ZNRF3: variants seen among roughly 807,000 people sequenced by gnomAD.
ZNRF3 encodes the protein E3 ubiquitin-protein ligase ZNRF3.
In ZNRF3, 23 loss-of-function variants were observed where a neutral mutation model predicts 72.5. That is an observed-to-expected ratio of 0.32 (90% confidence interval 0.23 to 0.45). The LOEUF is 0.45. Ranked by LOEUF, ZNRF3 falls within the 20% of genes least tolerant of loss-of-function variation. ZNRF3 has a pLI of 1.00. For missense variants in ZNRF3, 1,169 were observed against 1,272.1 expected (o/e 0.92, Z 1.23); for synonymous variants, 610 against 545.3 (o/e 1.12, Z -1.65).
At chr22:28,901,456 A>G (rs1444614161) in intron 1 of ZNRF3, among the ~76,000 whole-genome samples, 1 of 152,146 alleles carries the variant, frequency 6.6e-6, no homozygotes, top group Non-Finnish European at 1.5e-5. Flanking sequence ...CCAGGGAACC[A>G]TGTTTGTTAG....
intron 1 of ZNRF3, among the ~76,000 whole-genome samples, chr22:28,904,051 A>G (rs1288397924): frequency 6.6e-6 from 1 of 152,124 alleles, no homozygotes; most frequent in Non-Finnish European, 1.5e-5. Context: ...ATCTGGCGTT[A>G]GAGAGTGAGC....
At chr22:28,998,174 C>T (rs1206964080) in intron 2 of ZNRF3, among the ~76,000 whole-genome samples, 3 of 151,846 alleles carry the variant, frequency 2.0e-5, no homozygotes, top group Non-Finnish European at 4.4e-5. Flanking sequence ...TGGCGGGCAC[C>T]TGTAATCCCA....
intron 1 of ZNRF3, among the ~76,000 whole-genome samples, chr22:28,968,171 C>G (rs1341260410): frequency 6.6e-6 from 1 of 152,172 alleles, no homozygotes; most frequent in Non-Finnish European, 1.5e-5. Context: ...CTACTGCATT[C>G]TGGGTGACTT....
At chr22:28,928,743 G>C (rs947159354) in intron 1 of ZNRF3, among the ~76,000 whole-genome samples, 1 of 151,960 alleles carries the variant, frequency 6.6e-6, no homozygotes, top group East Asian at 1.9e-4. Flanking sequence ...TGATCCGCCC[G>C]CCTCGGCCTC....
intron 1 of ZNRF3, among the ~76,000 whole-genome samples, chr22:28,945,541 T>C (rs925283106): frequency 3.2e-4 from 48 of 151,014 alleles, no homozygotes; most frequent in African/African-American, 1.2e-3. Context: ...TTTTTTTTTT[T>C]CTTTTTTAAG....
rs748364604 is a variant in ZNRF3 at position 29,050,260 on chromosome 22, C to T, written c.2079C>T (p.Ala693=). 20 of 1,598,234 alleles carry T rather than the reference C, an allele frequency of 1.3e-5. No individual in the cohort carries two copies. The highest frequency in any genetic ancestry group is 1.7e-4 in the Middle Eastern group (1 of 6,058). Residue 693 remains alanine (A), a synonymous_variant, in exon 8 of 9, where the codon GCC becomes GCT. Coordinates refer to ENST00000544604, the MANE Select transcript of ZNRF3 (RefSeq NM_001206998.2). ...SEVGLEASPG[A]APDLRRTWKG... ...TGGGGCTCGAGGCTTCTCCTGGGGCCGCCCCTGACCTCAGGAGGACCTGGA... is the reference window on the plus strand; with the variant it reads ...TGGGGCTCGAGGCTTCTCCTGGGGCTGCCCCTGACCTCAGGAGGACCTGGA...
intron 2 of ZNRF3, among the ~76,000 whole-genome samples, chr22:29,013,352 T>C (rs1286772884): frequency 6.6e-6 from 1 of 152,194 alleles, no homozygotes; most frequent in African/African-American, 2.4e-5. Flanking sequence ...TTCCAACTTC[T>C]CAGTTTAATT....
intron 1 of ZNRF3, among the ~76,000 whole-genome samples, chr22:28,896,238 G>A (rs8136297): frequency 0.39 from 59,101 of 151,652 alleles, 12,593 homozygotes; most frequent in East Asian, 0.6. Flanking sequence ...GGGTTCAAGC[G>A]ATTCTCCTGC....
chr22:29,050,626 G>A lies in ZNRF3; in HGVS notation c.2445G>A (p.Pro815=), dbSNP rs571409455. 1.2e-5 allele frequency: 20 copies of A among 1,610,792 alleles called. No homozygotes were observed. In the African/African-American group the frequency reaches 1.3e-4, roughly 11 times the overall value. ...AGTACACGCTCACCGAGGAACCACC[G>A]CCCGGCTGCTACCCCGGGGCCCGGG... The part of the protein sequence containing the change: ...SVQYTLTEEP[P]PGCYPGARDL... Residue 815 remains proline, a synonymous_variant, in exon 8 of 9, where the codon CCG becomes CCA. Transcript: ENST00000544604.
intron 2 of ZNRF3, among the ~76,000 whole-genome samples, chr22:29,022,340 C>T (rs766045009): frequency 2.6e-5 from 4 of 152,148 alleles, no homozygotes; most frequent in Non-Finnish European, 5.9e-5. Context: ...TAACGTGACC[C>T]CCAAACCTAA....
chr22:28,924,488 G>A (rs2123772151), intron 1 of ZNRF3, among the ~76,000 whole-genome samples: 1 of 152,204 alleles, frequency 6.6e-6, no homozygotes, highest in East Asian at 1.9e-4. Flanking sequence ...GGTGGCTCAC[G>A]CCTGTCATCT....
chr22:28,919,462 G>A (rs2034470062), intron 1 of ZNRF3, among the ~76,000 whole-genome samples: 1 of 152,122 alleles, frequency 6.6e-6, no homozygotes, highest in Admixed American at 6.5e-5. Context: ...TGGAAAAAGT[G>A]AGATGACTTA....
intron 2 of ZNRF3, among the ~76,000 whole-genome samples, chr22:29,006,488 A>G (rs1011079900): frequency 6.6e-6 from 1 of 152,134 alleles, no homozygotes; most frequent in Non-Finnish European, 1.5e-5. Flanking sequence ...CTGGGATTAC[A>G]GGTGTGAGCC....
intron 2 of ZNRF3, among the ~76,000 whole-genome samples, chr22:29,040,793 AGTT>A (rs1473920081): frequency 7.2e-5 from 11 of 152,176 alleles, no homozygotes. Flanking sequence ...ATTTTACTGA[AGTT>A]GTTTTTGGTA....
At chr22:28,905,959 C>A (rs2034198883) in intron 1 of ZNRF3, among the ~76,000 whole-genome samples, 1 of 152,170 alleles carries the variant, frequency 6.6e-6, no homozygotes, top group African/African-American at 2.4e-5. Flanking sequence ...AGGACTGTGT[C>A]TTATAGCCTC....
At chr22:28,944,928 A>C (rs1445977035) in intron 1 of ZNRF3, among the ~76,000 whole-genome samples, 1 of 28,508 alleles carries the variant, frequency 3.5e-5, no homozygotes. Flanking sequence ...TCCGTCTCCA[A>C]ATAAATAAAT....
intron 1 of ZNRF3, among the ~76,000 whole-genome samples, chr22:28,938,475 A>G (rs775014364): frequency 3.9e-5 from 6 of 152,210 alleles, no homozygotes; most frequent in Non-Finnish European, 5.9e-5. Flanking sequence ...AGCGTGTATT[A>G]TCTAACCTAG....
intron 1 of ZNRF3, among the ~76,000 whole-genome samples, chr22:28,936,131 T>C (rs995311813): frequency 2.0e-5 from 3 of 152,200 alleles, no homozygotes; most frequent in African/African-American, 7.2e-5. Flanking sequence ...TTGGGGCTTT[T>C]ATTGTGAATC....
intron 1 of ZNRF3, among the ~76,000 whole-genome samples, chr22:28,938,211 CTTATT>C (rs1601582034): frequency 6.6e-6 from 1 of 151,880 alleles, no homozygotes. Flanking sequence ...ACCCATCCAT[CTTATT>C]TTAAGACATG....
Sources: gnomAD v4.1 joint callset for allele counts (sites outside exome capture counted in the v4.1 genomes callset) on GRCh38, gnomAD v4.1.1 for gene constraint, MANE v1.5 for transcripts, NCBI Gene and HGNC (gene_info 2026-07-23, HGNC 2026-07-21) for gene names.